The following PTPRG variants were observed in gnomAD, a reference collection of about 807,000 sequenced individuals.
PTPRG encodes the protein receptor-type tyrosine-protein phosphatase gamma.
A neutral mutation model predicts 165.3 loss-of-function variants in PTPRG; 102 were observed. The observed-to-expected ratio is 0.62, with a 90% CI of 0.53 to 0.73. PTPRG has a LOEUF of 0.73. PTPRG is among the 30% of genes least tolerant of loss of function. The pLI is 0.00. For missense variants in PTPRG, 1,866 were observed against 1,861.4 expected, an observed-to-expected ratio of 1.00 and a Z score of -0.05; for synonymous variants, 675 against 669.5, an observed-to-expected ratio of 1.01 and a Z score of -0.13.
At chr3:62,039,820 T>C (rs1348468909) in intron 4 of PTPRG, among the ~76,000 whole-genome samples, 1 of 120,544 alleles carries the variant, frequency 8.3e-6, no homozygotes, top group Non-Finnish European at 1.7e-5. Context: ...TTTGTAACAG[T>C]TACAGCACTT....
intron 1 of PTPRG, among the ~76,000 whole-genome samples, chr3:61,642,211 G>A (rs943259960): frequency 1.3e-5 from 2 of 152,110 alleles, no homozygotes; most frequent in Non-Finnish European, 2.9e-5. Context: ...CCCTGACCCC[G>A]GGCTGTGGCG....
At chr3:61,649,752 C>T (rs541224334) in intron 1 of PTPRG, among the ~76,000 whole-genome samples, 1 of 152,194 alleles carries the variant, frequency 6.6e-6, no homozygotes, top group African/African-American at 2.4e-5. Context: ...ATTGGCTCCT[C>T]TTAGAAATAG....
chr3:61,989,749 T>C lies in PTPRG; in HGVS notation c.315T>C (p.Asp105=), dbSNP rs2040840714. 5.0e-6 allele frequency: 8 copies of C among 1,614,160 alleles called. No homozygotes were observed. Among genetic ancestry groups the C allele is most frequent in the Non-Finnish European group, 5.9e-6 (7 of 1,179,994 alleles). ...AAGAATACCAGGAACTGCAACTCGA[T>C]GGCTTCGACAATGAGTCTTCTAACA... ...VGEEYQELQL[D]GFDNESSNKT... Residue 105 remains aspartate (D), a synonymous_variant, in exon 3 of 30, where the codon GAT becomes GAC. Coordinates refer to ENST00000474889, the MANE Select transcript of PTPRG (RefSeq NM_002841.4).
At chr3:61,753,827 C>T (rs1053504532) in intron 2 of PTPRG, among the ~76,000 whole-genome samples, 1 of 152,064 alleles carries the variant, frequency 6.6e-6, no homozygotes, top group African/African-American at 2.4e-5. Flanking sequence ...AACTCCTGAC[C>T]TCAGGTGATC....
chr3:62,148,230 G>A (rs1472164412), intron 6 of PTPRG, among the ~76,000 whole-genome samples: 1 of 152,152 alleles, frequency 6.6e-6, no homozygotes, highest in Non-Finnish European at 1.5e-5. Context: ...GGATGAAAAG[G>A]CATCATCTCT....
chr3:62,156,989 G>A lies in PTPRG; in HGVS notation c.683-78G>A, dbSNP rs375719415. ...GCTTGCGATGTGGCACCAGCATGCC[G>A]AGGGTGTTGACTGTGTCTGCGGCTC... On this transcript the variant is annotated intron_variant, in intron 6 of 29. Coordinates refer to ENST00000474889, the MANE Select transcript of PTPRG (RefSeq NM_002841.4). 17 of 1,309,708 alleles carry A rather than the reference G, an allele frequency of 1.3e-5. No individual in the cohort carries two copies. The Admixed American group carries it at 2.2e-4, about 17-fold the overall frequency. The allele number at this position is 1,309,708 out of a possible 1,614,324, so 81.1% of individuals were successfully genotyped here. A position where few individuals can be genotyped will look rare whatever the true frequency, so the allele number is the denominator to read the frequency against.
In PTPRG at chr3:61,799,055, A is replaced by G. The variant is rs569677656; in HGVS notation, c.190+50073A>G. The stretch of plus-strand genomic sequence containing the variant: ...TTTTTTTATTTTAAAATAGTTTTTG[A>G]TTTATAGAACTCTACTATTTTCATA... On this transcript the variant is annotated intron_variant, in intron 2 of 29. Transcript: ENST00000474889. 6.6e-5 allele frequency among the ~76,000 whole-genome samples: 10 copies of G among 152,132 alleles called. No individual in the cohort carries two copies. The South Asian group carries it at 1.2e-3, about 19-fold the overall frequency.
At chr3:61,731,814 T>C (rs894351319) in intron 1 of PTPRG, among the ~76,000 whole-genome samples, 5 of 151,952 alleles carry the variant, frequency 3.3e-5, no homozygotes, top group African/African-American at 1.2e-4. Context: ...TTCTTTTTTC[T>C]TTTTTTTGAA....
intron 1 of PTPRG, among the ~76,000 whole-genome samples, chr3:61,667,239 T>G (rs1702834517): frequency 6.6e-6 from 1 of 152,174 alleles, no homozygotes; most frequent in Non-Finnish European, 1.5e-5. Context: ...TAAATTTGGA[T>G]TGCATAGCTT....
rs147930444 is a variant in PTPRG, at chr3:61,574,561, C to T, written c.85+12189C>T. ...ATCTCTTGACAGTTTTAGGCACTAGCTTCTCATTTTCCCAGTCAGTCAATT... is the reference window on the plus strand; with the variant it reads ...ATCTCTTGACAGTTTTAGGCACTAGTTTCTCATTTTCCCAGTCAGTCAATT... On this transcript the variant is annotated intron_variant, in intron 1 of 29. Coordinates refer to ENST00000474889, the MANE Select transcript of PTPRG (RefSeq NM_002841.4). Among the ~76,000 whole-genome samples, 638 of 152,286 alleles carry T rather than the reference C, an allele frequency of 4.2e-3. 1 individual carries two copies. The highest frequency in any genetic ancestry group is 7.3e-3 in the Non-Finnish European group (495 of 68,034).
intron 4 of PTPRG, among the ~76,000 whole-genome samples, chr3:62,072,175 C>T (rs1701229464): frequency 6.6e-6 from 1 of 152,170 alleles, no homozygotes; most frequent in African/African-American, 2.4e-5. Flanking sequence ...TACCTTACAA[C>T]AGTGGAGCAT....
At chr3:61,675,388 A>G (rs573392452) in intron 1 of PTPRG, among the ~76,000 whole-genome samples, 88 of 152,292 alleles carry the variant, frequency 5.8e-4, no homozygotes, top group African/African-American at 1.9e-3. Flanking sequence ...ATGATACTAA[A>G]TTATTTTAAG....
At chr3:61,692,659 T>TG (rs1251755957) in intron 1 of PTPRG, among the ~76,000 whole-genome samples, 1 of 151,236 alleles carries the variant, frequency 6.6e-6, no homozygotes, top group East Asian at 1.9e-4. Context: ...CAGGCAAGAG[T>TG]GGGGGTCACA....
chr3:61,968,423 G>C (rs1313978038), intron 2 of PTPRG, among the ~76,000 whole-genome samples: 1 of 152,090 alleles, frequency 6.6e-6, no homozygotes, highest in African/African-American at 2.4e-5. Flanking sequence ...GTGCATAACT[G>C]TTCCTTTGCT....
intron 2 of PTPRG, among the ~76,000 whole-genome samples, chr3:61,947,517 G>C (rs78071682): frequency 2.0e-5 from 3 of 152,180 alleles, no homozygotes; most frequent in African/African-American, 7.2e-5. Context: ...TGCCCAGATG[G>C]AGGTGACTTG....
At chr3:61,821,176 CT>C (rs71629144) in intron 2 of PTPRG, among the ~76,000 whole-genome samples, 22,462 of 147,118 alleles carry the variant, frequency 0.15, 2,058 homozygotes, top group Middle Eastern at 0.25. Context: ...TTCTTGTTTT[CT>C]TTTTTTTTTT....
chr3:61,593,631 C>T (rs1700627729), intron 1 of PTPRG, among the ~76,000 whole-genome samples: 1 of 151,254 alleles, frequency 6.6e-6, no homozygotes, highest in Non-Finnish European at 1.5e-5. Context: ...AGCTCTTGTT[C>T]CTGTTCTCTT....
At position 61,676,471 on chromosome 3, in the gene PTPRG, A is replaced by AAAAAAAAAAAAAAAAAAAG. The variant is rs369505317; in HGVS notation, c.86-72404_86-72403insAAAAAAAAAAAAAAAGAAA. 5.5e-3 allele frequency among the ~76,000 whole-genome samples: 547 copies of AAAAAAAAAAAAAAAAAAAG among 98,898 alleles called. 60 individuals are homozygous for AAAAAAAAAAAAAAAAAAAG. Among genetic ancestry groups the AAAAAAAAAAAAAAAAAAAG allele is most frequent in the Non-Finnish European group, 9.6e-3 (413 of 43,202 alleles). The allele number at this position is 98,898 out of a possible 152,430, so 64.9% of individuals were successfully genotyped here. A position where few individuals can be genotyped will look rare whatever the true frequency, so the allele number is the denominator to read the frequency against. The stretch of plus-strand genomic sequence containing the variant: ...GACTCCATCTCAAAAAAAAAAAAAA[A>AAAAAAAAAAAAAAAAAAAG]AAAGAAAATTACTAAAGTCTGTGAA... On this transcript the variant is annotated intron_variant, in intron 1 of 29. Transcript: ENST00000474889.
In PTPRG at chr3:62,003,485, G is replaced by T; in HGVS notation, c.507G>T (p.Arg169Ser). 6.2e-7 allele frequency: 1 copy of T among 1,613,822 alleles called. No homozygotes were observed. Among genetic ancestry groups the T allele is most frequent in the Middle Eastern group, 1.7e-4 (1 of 6,058 alleles). Residue 169 changes from arginine (R) to serine (S), a missense_variant, in exon 4 of 30, where the codon AGG becomes AGT. Physicochemically the swap from Arg to Ser is moderately radical, Grantham distance 110. Transcript: ENST00000474889. ...CTGAACACAGCATCAATGGCAGGAG[G>T]TTTCCTGTTGAGGTGAGAGAAAGTC... ...AGSEHSINGR[R>S]FPVEMQIFFY...
Sources: gnomAD v4.1 joint callset for allele counts (sites outside exome capture counted in the v4.1 genomes callset) on GRCh38, gnomAD v4.1.1 for gene constraint, MANE v1.5 for transcripts, NCBI Gene and HGNC (gene_info 2026-07-23, HGNC 2026-07-21) for gene names.